CHCHD3: variants seen among roughly 807,000 people sequenced by gnomAD.
The protein encoded by CHCHD3 is MICOS complex subunit MIC19.
In CHCHD3, 20 loss-of-function variants were observed where a neutral mutation model predicts 38.2. The observed-to-expected ratio is 0.52, with a 90% CI of 0.37 to 0.76. The LOEUF is 0.76. CHCHD3 is among the 30% of genes least tolerant of loss of function. CHCHD3 has a pLI of 0.00. For synonymous variants in CHCHD3, 82 were observed against 100.0 expected (o/e 0.82, Z 1.07); for missense variants, 245 against 279.2 (o/e 0.88, Z 0.87).
intron 3 of CHCHD3, among the ~76,000 whole-genome samples, chr7:133,010,345 C>T (rs1045711220): frequency 7.9e-5 from 12 of 152,136 alleles, no homozygotes; most frequent in Non-Finnish European, 1.3e-4. Flanking sequence ...AGAGGGCTCT[C>T]GGGGAGTTCA....
intron 4 of CHCHD3, among the ~76,000 whole-genome samples, chr7:132,955,830 G>A (rs981575010): frequency 5.9e-5 from 9 of 152,090 alleles, no homozygotes; most frequent in African/African-American, 2.2e-4. Flanking sequence ...GTATCAAGAG[G>A]AAACATCAAG....
intron 2 of CHCHD3, among the ~76,000 whole-genome samples, chr7:133,064,246 T>C (rs867254154): frequency 6.6e-6 from 1 of 152,232 alleles, no homozygotes; most frequent in Non-Finnish European, 1.5e-5. Flanking sequence ...CCCTAGACTG[T>C]TGGCAGATTT....
At chr7:132,973,382 C>T in intron 4 of CHCHD3, 1 of 985,532 alleles carries the variant, frequency 1.0e-6, no homozygotes, top group Non-Finnish European at 1.2e-6. Flanking sequence ...TTTCAACCCA[C>T]TGACCTGATA....
intron 2 of CHCHD3, among the ~76,000 whole-genome samples, chr7:133,052,975 G>A (rs1029589766): frequency 2.6e-5 from 4 of 152,132 alleles, no homozygotes; most frequent in Non-Finnish European, 2.9e-5. Flanking sequence ...TCTTTCTTTG[G>A]GAAAATGCAT....
At chr7:132,877,931 T>G (rs547153735) in intron 5 of CHCHD3, among the ~76,000 whole-genome samples, 1 of 152,202 alleles carries the variant, frequency 6.6e-6, no homozygotes, top group African/African-American at 2.4e-5. Flanking sequence ...AAATTTACTC[T>G]GTCACATTGC....
intron 3 of CHCHD3, among the ~76,000 whole-genome samples, chr7:133,023,443 G>A (rs962356926): frequency 1.6e-4 from 25 of 152,292 alleles, no homozygotes; most frequent in Admixed American, 1.6e-3. Flanking sequence ...TATGGCCAGT[G>A]AGGACTACAA....
intron 4 of CHCHD3, among the ~76,000 whole-genome samples, chr7:132,972,348 A>G (rs1335319324): frequency 1.3e-5 from 2 of 152,204 alleles, no homozygotes; most frequent in African/African-American, 4.8e-5. Flanking sequence ...AGTGTATACT[A>G]TTATCTATGT....
intron 2 of CHCHD3, among the ~76,000 whole-genome samples, chr7:133,041,806 A>C (rs1000702190): frequency 6.6e-6 from 1 of 152,190 alleles, no homozygotes; most frequent in African/African-American, 2.4e-5. Context: ...CCCATCTAAG[A>C]ACCCACTTTC....
rs564412611 is a variant in CHCHD3 at position 132,913,987 on chromosome 7, T to TA, written c.370-28243dup. 6.7e-5 allele frequency among the ~76,000 whole-genome samples: 10 copies of TA among 149,742 alleles called. No individual in the cohort carries two copies. The East Asian group carries it at 1.8e-3, about 27-fold the overall frequency. ...TTTTTTTTGAGATGGAGTCTTGCTC[T>TA]ATTGCCCAGGCTTCCAGGCTGGAGT... On this transcript the variant is annotated intron_variant, in intron 4 of 7. Transcript: ENST00000262570.
intron 4 of CHCHD3, among the ~76,000 whole-genome samples, chr7:132,888,913 T>C (rs746680658): frequency 2.6e-5 from 4 of 152,016 alleles, no homozygotes; most frequent in East Asian, 3.8e-4. Context: ...AGTACTTGTT[T>C]ATATGGACAT....
intron 2 of CHCHD3, among the ~76,000 whole-genome samples, chr7:133,066,256 CTTTTT>C (rs11451085): frequency 7.0e-6 from 1 of 142,886 alleles, no homozygotes; most frequent in Non-Finnish European, 1.5e-5. Flanking sequence ...AGATGGCATA[CTTTTT>C]TTTTTTTTTT....
chr7:132,795,164 C>T (rs183991102), intron 7 of CHCHD3, among the ~76,000 whole-genome samples: 6 of 152,310 alleles, frequency 3.9e-5, no homozygotes, highest in African/African-American at 1.4e-4. Context: ...GTCACAACCA[C>T]TCTTTTCCAC....
At chr7:133,050,766 G>A (rs1364335639) in intron 2 of CHCHD3, among the ~76,000 whole-genome samples, 2 of 152,088 alleles carry the variant, frequency 1.3e-5, no homozygotes, top group African/African-American at 4.8e-5. Flanking sequence ...AGTAATCCCA[G>A]TACTTTGGGA....
intron 3 of CHCHD3, among the ~76,000 whole-genome samples, chr7:132,978,499 C>T (rs1245519700): frequency 1.3e-5 from 2 of 151,854 alleles, no homozygotes; most frequent in East Asian, 1.9e-4. Flanking sequence ...ATATCAAACA[C>T]GCAAGAAAAA....
chr7:132,799,007 C>CTCTGTGTGTG (rs1806695040), intron 6 of CHCHD3, among the ~76,000 whole-genome samples: 1 of 145,490 alleles, frequency 6.9e-6, no homozygotes, highest in African/African-American at 2.6e-5. Context: ...GTGATCTGTT[C>CTCTGTGTGTG]TGTGTGTGTG....
At chr7:132,991,220 A>G (rs1021485036) in intron 3 of CHCHD3, among the ~76,000 whole-genome samples, 5 of 152,170 alleles carry the variant, frequency 3.3e-5, no homozygotes, top group Admixed American at 3.3e-4. Context: ...TGTGCTTGTT[A>G]TCATTACATA....
At chr7:133,004,151 G>T (rs929097963) in intron 3 of CHCHD3, among the ~76,000 whole-genome samples, 17 of 151,908 alleles carry the variant, frequency 1.1e-4, no homozygotes, top group Non-Finnish European at 2.2e-4. Flanking sequence ...CAGTAGAGAC[G>T]GGGTTTCACC....
rs533467824 is a variant in CHCHD3 at position 132,952,576 on chromosome 7, A to G, written c.369+22593T>C. ...TGAGTTATTTTAACTAAAGAAAGGA[A>G]AGTACTCAAGCCAGTCTTGAATAGA... On this transcript the variant is annotated intron_variant, in intron 4 of 7. Coordinates refer to ENST00000262570, the MANE Select transcript of CHCHD3 (RefSeq NM_017812.4). 2.6e-5 allele frequency among the ~76,000 whole-genome samples: 4 copies of G among 152,344 alleles called. No homozygotes were observed. The East Asian group carries it at 7.7e-4, about 29-fold the overall frequency.
intron 5 of CHCHD3, among the ~76,000 whole-genome samples, chr7:132,844,350 G>T (rs889145159): frequency 3.3e-5 from 5 of 152,154 alleles, no homozygotes; most frequent in African/African-American, 7.2e-5. Flanking sequence ...TTACAAGGTG[G>T]TCTAAGGTGA....
Sources: gnomAD v4.1 joint callset for allele counts (sites outside exome capture counted in the v4.1 genomes callset) on GRCh38, gnomAD v4.1.1 for gene constraint, MANE v1.5 for transcripts, NCBI Gene and HGNC (gene_info 2026-07-23, HGNC 2026-07-21) for gene names.